CREBBP: variants seen among roughly 807,000 people sequenced by gnomAD.
CREBBP encodes the protein CREB-binding protein.
A neutral mutation model predicts 265.0 loss-of-function variants in CREBBP; 19 were observed. The observed-to-expected ratio is 0.07, with a 90% CI of 0.05 to 0.11. The LOEUF (loss-of-function observed/expected upper bound fraction) is 0.11, where lower values mean the gene tolerates loss of function less well. CREBBP is among the 10% of genes least tolerant of loss of function. The probability of loss-of-function intolerance (pLI) is 1.00; values close to 1 mark genes in which losing one functional copy is unlikely to be tolerated. For synonymous variants in CREBBP, 1,457 were observed against 1,223.7 expected (o/e 1.19, Z -3.98); for missense variants, 2,525 against 3,219.0 (o/e 0.78, Z 5.22).
rs2141200520 is a variant in CREBBP, at chr16:3,770,698, C to G, written c.2752G>C (p.Val918Leu). The G allele has an allele frequency of 6.2e-7, 1 of 1,614,048 alleles. No individual in the cohort carries two copies. Among genetic ancestry groups the G allele is most frequent in the Non-Finnish European group, 8.5e-7 (1 of 1,180,014 alleles). ...SATQTQSTPT[V>L]QAAAQAQVTP... The stretch of plus-strand genomic sequence containing the variant: ...ACCTGGGCCTGGGCTGCTGCCTGGA[C>G]TGTAGGGGTGCTCTGGGTTTGGGTA... Residue 918 changes from valine to leucine, a missense_variant, in exon 14 of 31, where the codon GTC (valine) becomes CTC (leucine). By Grantham distance (32) the Val-to-Leu change is conservative. Coordinates refer to ENST00000262367, the MANE Select transcript of CREBBP (RefSeq NM_004380.3).
intron 3 of CREBBP, among the ~76,000 whole-genome samples, chr16:3,798,666 A>T (rs1393119537): frequency 6.6e-6 from 1 of 152,250 alleles, no homozygotes; most frequent in Non-Finnish European, 1.5e-5. Flanking sequence ...ATAAAAAGTC[A>T]AATGCTAACC....
intron 2 of CREBBP, among the ~76,000 whole-genome samples, chr16:3,836,846 A>T (rs2054462075): frequency 6.6e-6 from 1 of 152,188 alleles, no homozygotes; most frequent in Admixed American, 6.5e-5. Context: ...GAACTGAAAA[A>T]TTCCAATGGC....
chr16:3,777,684 C>T (rs774965651), intron 10 of CREBBP, 27 bp from the exon 11 acceptor site: 3 of 1,612,562 alleles, frequency 1.9e-6, no homozygotes, highest in Admixed American at 3.3e-5. Context: ...AAAACAAAAA[C>T]AAAACCACCC....
chr16:3,745,369 A>G lies in CREBBP; in HGVS notation c.3837-15T>C. 6.2e-7 allele frequency: 1 copy of G among 1,613,402 alleles called. No homozygotes were observed. ...AATCAACGAAACTAGGAGGCAAAGA[A>G]GGCGCACTGTTAAAGCACACGGAAC... On this transcript the variant is annotated splice_polypyrimidine_tract_variant and intron_variant, in intron 21 of 30. Coordinates refer to ENST00000262367, the MANE Select transcript of CREBBP (RefSeq NM_004380.3).
intron 1 of CREBBP, among the ~76,000 whole-genome samples, chr16:3,870,771 T>C (rs2055277512): frequency 6.6e-6 from 1 of 152,088 alleles, no homozygotes; most frequent in African/African-American, 2.4e-5. Context: ...GCTAATATTT[T>C]CCCATACAAT....
intron 5 of CREBBP, among the ~76,000 whole-genome samples, chr16:3,791,549 C>G (rs2053507748): frequency 6.6e-6 from 1 of 152,198 alleles, no homozygotes; most frequent in Admixed American, 6.5e-5. Context: ...AAATTTACTT[C>G]AGGATAAGGG....
In CREBBP at chr16:3,744,934, T is replaced by A. The variant is rs1182146047; in HGVS notation, c.3942A>T (p.Lys1314Asn). ...TGTTTTCTTTTCGAGGTCTGCCAGT[T>A]TTCTTCAAGCAGTTGTCGCACACAA... ...SGFVCDNCLK[K>N]TGRPRKENKF... Residue 1314 changes from lysine (K) to asparagine (N), a missense_variant, in exon 23 of 31, where the codon AAA becomes AAT. By Grantham distance (94) the Lys-to-Asn change is moderately conservative. Transcript: ENST00000262367. 6.2e-7 allele frequency: 1 copy of A among 1,614,104 alleles called. No individual in the cohort carries two copies.
chr16:3,830,566 A>G (rs1468928381), intron 2 of CREBBP, among the ~76,000 whole-genome samples: 2 of 152,346 alleles, frequency 1.3e-5, no homozygotes, highest in South Asian at 2.1e-4. Flanking sequence ...TCCAAAATAC[A>G]TATTAACCTA....
At position 3,726,862 on chromosome 16, in the gene CREBBP, T is replaced by C. The variant is rs1487394959; in HGVS notation, c.*856A>G. 1 of 233,490 alleles carries C rather than the reference T, an allele frequency of 4.3e-6. No homozygotes were observed. The highest frequency in any genetic ancestry group is 6.0e-5 in the East Asian group (1 of 16,546). The allele number at this position is 233,490 out of a possible 1,614,324, so 14.5% of individuals were successfully genotyped here. Reference sequence around the variant, plus strand: ...TTATTTAACAATATGATATAAGAAATGAGTTGGTATTTTACCATTCTATAC... The same window carrying C: ...TTATTTAACAATATGATATAAGAAACGAGTTGGTATTTTACCATTCTATAC... On this transcript the variant is annotated 3_prime_UTR_variant, in exon 31 of 31. Transcript: ENST00000262367.
chr16:3,734,277 C>T (rs566011500), intron 28 of CREBBP, among the ~76,000 whole-genome samples: 10 of 152,168 alleles, frequency 6.6e-5, no homozygotes, highest in Non-Finnish European at 8.8e-5. Flanking sequence ...ACCCCCAGAG[C>T]GAGCTCCTGG....
At chr16:3,739,031 T>G (rs532825584) in intron 25 of CREBBP, among the ~76,000 whole-genome samples, 1 of 152,214 alleles carries the variant, frequency 6.6e-6, no homozygotes, top group Non-Finnish European at 1.5e-5. Context: ...AGTTTTTCTT[T>G]TGATGGTATT....
intron 3 of CREBBP, among the ~76,000 whole-genome samples, chr16:3,794,239 G>T (rs956867501): frequency 1.4e-5 from 2 of 146,700 alleles, no homozygotes; most frequent in African/African-American, 5.0e-5. Context: ...GGCTGAGGCA[G>T]GAGAATGGTG....
Position 3,777,630 on chromosome 16 carries a change from C to A in CREBBP, c.2141G>T (p.Arg714Leu), listed in dbSNP as rs141098117. The change falls in exon 11 of 31, where the codon CGC becomes CTC. Residue 714 changes from arginine to leucine, a missense_variant. Arg to Leu is a moderately radical substitution (Grantham distance 102). Transcript: ENST00000262367. ...TTCAATACCTTGAGAAACTTGCATG[C>A]GATTCACTGGCAGGGACAGGGGTCC... ...PNGPLSLPVN[R>L]MQVSQGMNSF... 6.2e-7 allele frequency: 1 copy of A among 1,614,090 alleles called. No individual in the cohort carries two copies. The highest frequency in any genetic ancestry group is 8.5e-7 in the Non-Finnish European group (1 of 1,180,028).
intron 2 of CREBBP, among the ~76,000 whole-genome samples, chr16:3,830,047 A>T (rs907999072): frequency 3.3e-5 from 5 of 152,232 alleles, no homozygotes; most frequent in African/African-American, 1.2e-4. Flanking sequence ...GGTTATCAGA[A>T]TAAATTAAAT....
intron 2 of CREBBP, among the ~76,000 whole-genome samples, chr16:3,839,297 C>G (rs752748558): frequency 6.6e-6 from 1 of 152,246 alleles, no homozygotes; most frequent in Non-Finnish European, 1.5e-5. Flanking sequence ...GCTATTACTA[C>G]TGCTGCTGCA....
At chr16:3,789,586 T>C (rs1567314828) in intron 5 of CREBBP, among the ~76,000 whole-genome samples, 1 of 152,210 alleles carries the variant, frequency 6.6e-6, no homozygotes. Context: ...GATTCACATT[T>C]TCCTCTCTGG....
intron 28 of CREBBP, among the ~76,000 whole-genome samples, chr16:3,735,537 C>T (rs1293975882): frequency 6.6e-6 from 1 of 152,142 alleles, no homozygotes; most frequent in Non-Finnish European, 1.5e-5. Flanking sequence ...ACCTTGTGAT[C>T]CGCCTGCCTC....
chr16:3,762,021 A>C (rs911483779), intron 16 of CREBBP, among the ~76,000 whole-genome samples: 5 of 152,238 alleles, frequency 3.3e-5, no homozygotes, highest in African/African-American at 1.2e-4. Flanking sequence ...AAAGAAAAGA[A>C]TACTATTTCA....
At chr16:3,872,584 T>C (rs2055323080) in intron 1 of CREBBP, among the ~76,000 whole-genome samples, 1 of 151,812 alleles carries the variant, frequency 6.6e-6, no homozygotes, top group Non-Finnish European at 1.5e-5. Flanking sequence ...AAGCAAGGAG[T>C]GTATCCGGAG....
Sources: gnomAD v4.1 joint callset for allele counts (sites outside exome capture counted in the v4.1 genomes callset) on GRCh38, gnomAD v4.1.1 for gene constraint, MANE v1.5 for transcripts, NCBI Gene and HGNC (gene_info 2026-07-23, HGNC 2026-07-21) for gene names.